STAP2: variants seen among roughly 807,000 people sequenced by gnomAD.
STAP2 encodes signal transducing adaptor family member 2, also known as signal-transducing adaptor protein 2.
Under a neutral mutation model 52.7 loss-of-function variants are expected in STAP2, and 58 were observed. That is an observed-to-expected ratio of 1.10 (90% CI 0.89 to 1.37). The LOEUF is 1.37. Among genes scored for constraint, STAP2 ranks in the 40% most tolerant of loss-of-function variants. The pLI is 0.00. For missense variants in STAP2, 522 were observed against 519.4 expected (o/e 1.00, Z -0.05); for synonymous variants, 231 against 210.5 (o/e 1.10, Z -0.84).
rs187839092 is a variant in STAP2 at position 4,328,619 on chromosome 19, G to A, written c.590+56C>T. On this transcript the variant is annotated intron_variant, in intron 6 of 12. Coordinates refer to ENST00000594605, the MANE Select transcript of STAP2 (RefSeq NM_001013841.2). ...CCCCTGCTTCTGACCACGCCCCCGC[G>A]CCCACCCTCTTCCCACCCTCCTCCC... 747 of 1,533,004 alleles carry A rather than the reference G, an allele frequency of 4.9e-4. 2 individuals are homozygous for A. In the African/African-American group the frequency reaches 9.0e-3, roughly 19 times the overall value. 95.0% of individuals were successfully genotyped at this position (1,533,004 alleles called of 1,614,324 possible).
intron 6 of STAP2, 47 bp downstream of exon 6, chr19:4,328,628 C>A: frequency 6.5e-7 from 1 of 1,534,510 alleles, no homozygotes; most frequent in Non-Finnish European, 8.8e-7. Context: ...CGCCCACCCT[C>A]TTCCCACCCT....
intron 1 of STAP2, among the ~76,000 whole-genome samples, chr19:4,335,314 C>T (rs1327070865): frequency 6.6e-6 from 1 of 151,960 alleles, no homozygotes; most frequent in Admixed American, 6.6e-5. Context: ...TTCATCCATC[C>T]ATACATCCCT....
intron 4 of STAP2, among the ~76,000 whole-genome samples, chr19:4,330,957 C>T (rs909865662): frequency 1.3e-5 from 2 of 151,932 alleles, no homozygotes; most frequent in Non-Finnish European, 2.9e-5. Context: ...TCATGATCTG[C>T]CAGCCTCGGC....
intron 5 of STAP2, chr19:4,329,018 G>C: frequency 1.6e-6 from 1 of 616,664 alleles, no homozygotes; most frequent in Non-Finnish European, 2.6e-6. Context: ...TTTTTTTTTT[G>C]AGACAGGGTT....
intron 1 of STAP2, among the ~76,000 whole-genome samples, chr19:4,334,821 TCATCCATCCACCCAC>T (rs1971950645): frequency 8.6e-6 from 1 of 116,178 alleles, no homozygotes; most frequent in Non-Finnish European, 1.8e-5. Flanking sequence ...ATCCATCCAC[TCATCCATCCACCCAC>T]TCATCCATCC....
chr19:4,328,527 C>G (rs539363517), intron 6 of STAP2, 148 bp downstream of exon 6: 1 of 1,127,084 alleles, frequency 8.9e-7, no homozygotes, highest in Non-Finnish European at 1.2e-6. Flanking sequence ...GCTCTGACTC[C>G]GTCCCCAGAC....
At chr19:4,327,274 A>T (rs1206340112) in intron 7 of STAP2, 42 bp downstream of exon 7, 11 of 1,613,596 alleles carry the variant, frequency 6.8e-6, no homozygotes, top group Non-Finnish European at 9.3e-6. Flanking sequence ...AGGGACGCGG[A>T]CCCCACAAAG....
At position 4,328,132 on chromosome 19, in the gene STAP2, G is replaced by T. The variant is rs143657582; in HGVS notation, c.590+543C>A. 2.4e-3 allele frequency: 413 copies of T among 170,248 alleles called. 2 individuals are homozygous for T. The highest frequency in any genetic ancestry group is 9.5e-3 in the African/African-American group (398 of 41,720). 10.5% of individuals were successfully genotyped at this position (170,248 alleles called of 1,614,324 possible). A position where few individuals can be genotyped will look rare whatever the true frequency, so the allele number is the denominator to read the frequency against. On this transcript the variant is annotated intron_variant, in intron 6 of 12. Coordinates refer to ENST00000594605, the MANE Select transcript of STAP2 (RefSeq NM_001013841.2). ...CCTAACCCAAGACCTGGCTCTTCCTGCAAAGGAGTCGGCCTGGGCTCTACC... is the reference window on the plus strand; with the variant it reads ...CCTAACCCAAGACCTGGCTCTTCCTTCAAAGGAGTCGGCCTGGGCTCTACC...
At chr19:4,333,877 G>A in intron 2 of STAP2, 61 bp from the exon 3 acceptor site, 1 of 1,612,700 alleles carries the variant, frequency 6.2e-7, no homozygotes, top group East Asian at 2.2e-5. Context: ...CCCCCTGGAT[G>A]ATGTAGCAGC....
intron 4 of STAP2, among the ~76,000 whole-genome samples, chr19:4,331,707 T>C (rs7257776): frequency 0.1 from 15,287 of 150,332 alleles, 1,400 homozygotes; most frequent in African/African-American, 0.25. Context: ...CTGAGGCGGG[T>C]GGATCACGAG....
Position 4,338,808 on chromosome 19 carries a change from G to A in STAP2, c.-55C>T, listed in dbSNP as rs1205041952. 5.7e-6 allele frequency: 9 copies of A among 1,572,032 alleles called. No individual in the cohort carries two copies. The highest frequency in any genetic ancestry group is 7.8e-6 in the Non-Finnish European group (9 of 1,155,104). On this transcript the variant is annotated 5_prime_UTR_variant, in exon 1 of 13. Coordinates refer to ENST00000594605, the MANE Select transcript of STAP2 (RefSeq NM_001013841.2). ...TCCTTCCAGTGGGTGCCCCAGCTGG[G>A]CCGGGAAGCTGAGAAACAGGTTTCA...
intron 1 of STAP2, among the ~76,000 whole-genome samples, chr19:4,336,833 C>A (rs758255213): frequency 3.3e-5 from 5 of 150,304 alleles, no homozygotes; most frequent in Non-Finnish European, 7.4e-5. Context: ...CGAGGTTTCA[C>A]CATATTGGCC....
intron 10 of STAP2, 30 bp from the exon 11 acceptor site, chr19:4,325,338 T>G: frequency 6.2e-7 from 1 of 1,614,160 alleles, no homozygotes; most frequent in Non-Finnish European, 8.5e-7. Flanking sequence ...ACGTGTCACA[T>G]CAGCTGTTAA....
chr19:4,330,949 A>G (rs951426897), intron 4 of STAP2, among the ~76,000 whole-genome samples: 2 of 151,836 alleles, frequency 1.3e-5, no homozygotes, highest in Non-Finnish European at 2.9e-5. Context: ...TCCTGACCTC[A>G]TGATCTGCCA....
intron 9 of STAP2, 116 bp downstream of exon 9, chr19:4,326,826 T>A: frequency 6.8e-6 from 9 of 1,330,122 alleles, no homozygotes; most frequent in Non-Finnish European, 7.3e-6. Context: ...TTTCTGTCCC[T>A]GCAACTTTGG....
At position 4,333,792 on chromosome 19, in the gene STAP2, C is replaced by T; in HGVS notation, c.199G>A (p.Ala67Thr). The T allele has an allele frequency of 1.2e-6, 2 of 1,613,824 alleles. No individual in the cohort carries two copies. The highest frequency in any genetic ancestry group is 1.7e-6 in the Non-Finnish European group (2 of 1,179,998). ...ATCTCATCTGTGAGTTTCTCAAATG[C>T]TCCCAAGTTGAGCTTCTCCACGTGC... ...FQHVEKLNLG[A>T]FEKLTDEIPW... The change falls in exon 3 of 13, where the codon GCA becomes ACA. Residue 67 changes from alanine to threonine, a missense_variant. Ala to Thr is a moderately conservative substitution (Grantham distance 58). Transcript: ENST00000594605.
intron 4 of STAP2, among the ~76,000 whole-genome samples, chr19:4,331,659 C>A (rs7253906): frequency 1.3e-5 from 2 of 149,578 alleles, no homozygotes; most frequent in African/African-American, 4.9e-5. Context: ...TTGGCCGGGC[C>A]CGGTGGCTCA....
In STAP2 at chr19:4,332,245, T is replaced by C. The variant is rs1302879889; in HGVS notation, c.298-167A>G. Among the ~76,000 whole-genome samples, 3 of 137,730 alleles carry C rather than the reference T, an allele frequency of 2.2e-5. No homozygotes were observed. In the Admixed American group the frequency reaches 2.3e-4, roughly 11 times the overall value. The allele number at this position is 137,730 out of a possible 152,430, so 90.4% of individuals were successfully genotyped here. ...TTTGAGATGGAGTCTCATTCTTCTG[T>C]CGCCCAGGCTAGAGTACAGTGGCGC... On this transcript the variant is annotated intron_variant, in intron 3 of 12. Transcript: ENST00000594605.
Position 4,328,686 on chromosome 19 carries a change from C to G in STAP2, c.579G>C (p.Gln193His). 2 of 1,562,504 alleles carry G rather than the reference C, an allele frequency of 1.3e-6. No individual in the cohort carries two copies. Among genetic ancestry groups the G allele is most frequent in the Non-Finnish European group, 1.7e-6 (2 of 1,150,408 alleles). Residue 193 changes from glutamine to histidine, a missense_variant, in exon 6 of 13, where the codon CAG becomes CAC. Transcript: ENST00000594605. ...ACGCGCATGCGCACCCGTTGTGCAT[C>G]TGCCGCGTGGTGACCGACACGCCGT... ...GADGVSVTTR[Q>H]MHNGTHVVRH...
Sources: allele counts gnomAD v4.1 joint callset (sites outside exome capture counted in the v4.1 genomes callset), GRCh38; gene constraint gnomAD v4.1.1; transcripts MANE v1.5; gene names NCBI Gene and HGNC (gene_info 2026-07-23, HGNC 2026-07-21).